POLR3C: variants seen among roughly 807,000 people sequenced by gnomAD.
The protein encoded by POLR3C is DNA-directed RNA polymerase III subunit RPC3.
Under a neutral mutation model 65.9 loss-of-function variants are expected in POLR3C, and 44 were observed. That is an observed-to-expected ratio of 0.67 (90% CI 0.52 to 0.86). The LOEUF is 0.86. Among genes scored for constraint, POLR3C ranks in the 40% least tolerant of loss-of-function variants. The pLI, the probability that POLR3C is intolerant of heterozygous loss-of-function variation, is 0.00. For synonymous variants in POLR3C, 263 were observed against 231.6 expected (o/e 1.14, Z -1.23); for missense variants, 576 against 653.2 (o/e 0.88, Z 1.29).
Position 145,843,501 on chromosome 1 carries a change from T to G in POLR3C, c.*1081T>G, listed in dbSNP as rs1652443499. 6.6e-6 allele frequency among the ~76,000 whole-genome samples: 1 copy of G among 152,180 alleles called. No homozygotes were observed. The highest frequency in any genetic ancestry group is 2.4e-5 in the African/African-American group (1 of 41,450). On this transcript the variant is annotated 3_prime_UTR_variant, in exon 15 of 15. Coordinates refer to ENST00000334163, the MANE Select transcript of POLR3C (RefSeq NM_006468.8). ...ACAAGGATAGATAAATAAGACACCA[T>G]CTCTGCCCTCAAGCCAGTCACCATC...
chr1:145,825,661 A>T (rs1233307130), intron 1 of POLR3C, 96 bp from the exon 2 acceptor site: 1 of 646,280 alleles, frequency 1.5e-6, no homozygotes, highest in Non-Finnish European at 2.5e-6. Context: ...GTATTGTCAA[A>T]TTGCCCTCCA....
At chr1:145,837,689 C>T in intron 10 of POLR3C, 93 bp downstream of exon 10, 1 of 855,414 alleles carries the variant, frequency 1.2e-6, no homozygotes, top group Non-Finnish European at 2.0e-6. Flanking sequence ...ATAACCACAC[C>T]TTGGCATACT....
intron 7 of POLR3C, among the ~76,000 whole-genome samples, chr1:145,834,303 G>C (rs1651599719): frequency 6.6e-6 from 1 of 152,188 alleles, no homozygotes; most frequent in Middle Eastern, 3.2e-3. Flanking sequence ...CCCTGTGGGA[G>C]TTAGTGAATG....
chr1:145,826,784 G>A (rs782285660), intron 3 of POLR3C, 36 bp from the exon 4 acceptor site: 23 of 1,604,560 alleles, frequency 1.4e-5, no homozygotes, highest in Non-Finnish European at 2.0e-5. Flanking sequence ...AGCTATCTTA[G>A]GCCATCTCAT....
chr1:145,831,098 C>CAA (rs781897349), intron 5 of POLR3C, among the ~76,000 whole-genome samples: 10 of 124,334 alleles, frequency 8.0e-5, no homozygotes, highest in Non-Finnish European at 1.2e-4. Context: ...GACCCTGTCT[C>CAA]AAAAAAAAAA....
At chr1:145,829,082 G>T (rs1043156388) in intron 5 of POLR3C, among the ~76,000 whole-genome samples, 5 of 152,138 alleles carry the variant, frequency 3.3e-5, no homozygotes, top group Admixed American at 1.3e-4. Flanking sequence ...AAAAAGTTTA[G>T]GTTGCTCAAT....
rs373078178 is a variant in POLR3C, at chr1:145,843,311, TTC to T, written c.*900_*901del. On this transcript the variant is annotated 3_prime_UTR_variant, in exon 15 of 15. Coordinates refer to ENST00000334163, the MANE Select transcript of POLR3C (RefSeq NM_006468.8). ...GTTCCTTAAAACTGGCAACGCTAAA[TTC>T]TCTCTCTCAGTATCACGGATATAAT... is the stretch of plus-strand genomic sequence containing the variant. Among the ~76,000 whole-genome samples the T allele has an allele frequency of 9.3e-4, 141 of 152,330 alleles. No homozygotes were observed. The highest frequency in any genetic ancestry group is 3.3e-3 in the African/African-American group (138 of 41,574).
At position 145,843,384 on chromosome 1, in the gene POLR3C, A is replaced by G. The variant is rs587753996; in HGVS notation, c.*964A>G. On this transcript the variant is annotated 3_prime_UTR_variant, in exon 15 of 15. Transcript: ENST00000334163. ...CATTTAAAGCAGTTAGATGTTTTAT[A>G]ATATCTTCAGTTTTCTCTCACCAAT... is the stretch of plus-strand genomic sequence containing the variant. 2.7e-5 allele frequency among the ~76,000 whole-genome samples: 4 copies of G among 149,760 alleles called. No homozygotes were observed. Among genetic ancestry groups the G allele is most frequent in the Admixed American group, 1.3e-4 (2 of 14,994 alleles).
At chr1:145,832,838 A>G (rs1651448565) in intron 5 of POLR3C, among the ~76,000 whole-genome samples, 1 of 152,160 alleles carries the variant, frequency 6.6e-6, no homozygotes, top group Admixed American at 6.5e-5. Context: ...CCTGGCCAAC[A>G]TTGTAAAACC....
intron 5 of POLR3C, among the ~76,000 whole-genome samples, chr1:145,830,290 T>C (rs1651193133): frequency 6.6e-6 from 1 of 150,808 alleles, no homozygotes; most frequent in Non-Finnish European, 1.5e-5. Context: ...CCTTTTATAG[T>C]GTCTGCTATG....
intron 4 of POLR3C, 48 bp downstream of exon 4, chr1:145,827,053 T>C: frequency 7.5e-7 from 1 of 1,334,854 alleles, no homozygotes; most frequent in Non-Finnish European, 1.1e-6. Context: ...AATTGTGGAT[T>C]CTTCTTGATT....
intron 14 of POLR3C, among the ~76,000 whole-genome samples, chr1:145,841,938 T>C (rs1211257741): frequency 6.6e-6 from 1 of 152,200 alleles, no homozygotes; most frequent in Non-Finnish European, 1.5e-5. Flanking sequence ...TGATGTTAGC[T>C]GTGGGTTTTT....
chr1:145,835,615 C>A (rs1651749314), intron 7 of POLR3C, among the ~76,000 whole-genome samples: 1 of 151,972 alleles, frequency 6.6e-6, no homozygotes, highest in Non-Finnish European at 1.5e-5. Flanking sequence ...TACTCTTTCA[C>A]CCAGGCTGGA....
At chr1:145,827,382 T>C (rs1204907852) in intron 4 of POLR3C, among the ~76,000 whole-genome samples, 1 of 152,266 alleles carries the variant, frequency 6.6e-6, no homozygotes, top group East Asian at 1.9e-4. Flanking sequence ...TTTGGGAGAC[T>C]GAGGCAGGCG....
At chr1:145,834,558 C>T (rs1171705834) in intron 7 of POLR3C, among the ~76,000 whole-genome samples, 1 of 151,862 alleles carries the variant, frequency 6.6e-6, no homozygotes, top group Non-Finnish European at 1.5e-5. Flanking sequence ...GCCTGTGGTC[C>T]CAGCTACTCG....
intron 5 of POLR3C, among the ~76,000 whole-genome samples, chr1:145,832,429 A>T (rs1651413923): frequency 6.6e-6 from 1 of 152,226 alleles, no homozygotes; most frequent in African/African-American, 2.4e-5. Context: ...AAGCCTGAAG[A>T]TGTTAGAGGA....
Position 145,843,146 on chromosome 1 carries a change from C to T in POLR3C, c.*726C>T, listed in dbSNP as rs1553731112. The stretch of plus-strand genomic sequence containing the variant: ...TAGCAGGTGGATTGTCCCAAGCAGT[C>T]ACACTAGAATCTGTGGACTGAAGCC... On this transcript the variant is annotated 3_prime_UTR_variant, in exon 15 of 15. Coordinates refer to ENST00000334163, the MANE Select transcript of POLR3C (RefSeq NM_006468.8). Among the ~76,000 whole-genome samples, 3 of 152,108 alleles carry T rather than the reference C, an allele frequency of 2.0e-5. No individual in the cohort carries two copies. The highest frequency in any genetic ancestry group is 1.3e-4 in the Admixed American group (2 of 15,260).
At chr1:145,827,094 C>T (rs1275266031) in intron 4 of POLR3C, 89 bp downstream of exon 4, 30 of 1,061,276 alleles carry the variant, frequency 2.8e-5, no homozygotes, top group Non-Finnish European at 4.3e-5. Context: ...TTGTATTTAC[C>T]AAGTATTTGC....
Position 145,826,624 on chromosome 1 carries a change from T to C in POLR3C, c.318T>C (p.Ile106=). 1.2e-6 allele frequency: 2 copies of C among 1,614,078 alleles called. No individual in the cohort carries two copies. The change falls in exon 3 of 15, where the codon ATT becomes ATC. Residue 106 remains isoleucine (I), a synonymous_variant. Coordinates refer to ENST00000334163, the MANE Select transcript of POLR3C (RefSeq NM_006468.8). ...KTLYSDTGEL[I]VEELLLNGKL... ...TGTACAGTGACACTGGAGAGCTGAT[T>C]GTTGAGGAGCTTCTGTTGAACGGCA...
Sources: allele counts gnomAD v4.1 joint callset (sites outside exome capture counted in the v4.1 genomes callset), GRCh38; gene constraint gnomAD v4.1.1; transcripts MANE v1.5; gene names NCBI Gene and HGNC (gene_info 2026-07-23, HGNC 2026-07-21).